GREB1L: variants seen among roughly 807,000 people sequenced by gnomAD.
The protein encoded by GREB1L is GREB1 like retinoic acid receptor coactivator, also known as GREB1-like protein.
GREB1L carries 17 observed loss-of-function variants against 200.8 expected under a neutral mutation model. That is an observed-to-expected ratio of 0.08 (90% confidence interval 0.06 to 0.13). The LOEUF is 0.13. Among genes scored for constraint, GREB1L ranks in the 10% least tolerant of loss-of-function variants. GREB1L has a pLI of 1.00. For missense variants in GREB1L, 1,657 were observed against 2,367.7 expected (o/e 0.70, Z 6.23); for synonymous variants, 789 against 893.0 (o/e 0.88, Z 2.08).
At chr18:21,259,106 C>T in intron 1 of GREB1L, among the ~76,000 whole-genome samples, 1 of 151,940 alleles carries the variant, frequency 6.6e-6, no homozygotes, top group Admixed American at 6.6e-5. Context: ...TGGTGTTTAC[C>T]CTTGGAAAGC....
At chr18:21,338,743 C>G (rs2039224424) in intron 1 of GREB1L, among the ~76,000 whole-genome samples, 1 of 152,222 alleles carries the variant, frequency 6.6e-6, no homozygotes, top group Admixed American at 6.5e-5. Context: ...CTTAAGCCAC[C>G]AGCCTACATA....
rs534304025 is a variant in GREB1L, at chr18:21,438,127, A to G, written c.833-1394A>G. On this transcript the variant is annotated intron_variant, in intron 7 of 32. Coordinates refer to ENST00000424526, the MANE Select transcript of GREB1L (RefSeq NM_001142966.3). ...CTCTACAGAAAAAAATACAAAAATT[A>G]GCCAGGTATGGTGATACATGCCTGT... Among the ~76,000 whole-genome samples, 545 of 152,224 alleles carry G rather than the reference A, an allele frequency of 3.6e-3. 2 individuals carry two copies. Among genetic ancestry groups the G allele is most frequent in the South Asian group, 7.9e-3 (38 of 4,828 alleles).
chr18:21,510,066 T>G (rs76603258), intron 27 of GREB1L, among the ~76,000 whole-genome samples: 2 of 151,484 alleles, frequency 1.3e-5, no homozygotes, highest in African/African-American at 4.9e-5. Flanking sequence ...AAAAAAAAAT[T>G]AGCTGGGTGT....
intron 2 of GREB1L, 76 bp from the exon 3 acceptor site, chr18:21,383,434 T>C (rs1317822490): frequency 1.8e-6 from 2 of 1,093,254 alleles, no homozygotes; most frequent in Admixed American, 3.3e-5. Context: ...TTAAATTAGC[T>C]CTACCTGTAC....
At chr18:21,378,089 T>C (rs2040150362) in intron 2 of GREB1L, among the ~76,000 whole-genome samples, 1 of 152,238 alleles carries the variant, frequency 6.6e-6, no homozygotes. Flanking sequence ...CTTTCCATCT[T>C]CTGCCTGAAG....
chr18:21,324,176 T>A (rs1349713679), intron 1 of GREB1L, among the ~76,000 whole-genome samples: 2 of 152,236 alleles, frequency 1.3e-5, no homozygotes, highest in Non-Finnish European at 2.9e-5. Context: ...TTTGGGCATG[T>A]ACTTATGGTT....
chr18:21,309,013 A>G (rs892637003), intron 1 of GREB1L, among the ~76,000 whole-genome samples: 1 of 152,174 alleles, frequency 6.6e-6, no homozygotes, highest in Non-Finnish European at 1.5e-5. Flanking sequence ...GGAATCTTGT[A>G]GAGTATCAAG....
intron 1 of GREB1L, among the ~76,000 whole-genome samples, chr18:21,280,714 T>C (rs758854157): frequency 1.3e-5 from 2 of 152,180 alleles, no homozygotes; most frequent in Non-Finnish European, 2.9e-5. Context: ...TTTGCTTGTT[T>C]TGTTCTCTAT....
Position 21,525,992 on chromosome 18 carries a change from A to G in GREB1L, c.*3171A>G, listed in dbSNP as rs965295589. Among the ~76,000 whole-genome samples, 2 of 152,196 alleles carry G rather than the reference A, an allele frequency of 1.3e-5. No homozygotes were observed. Among genetic ancestry groups the G allele is most frequent in the Non-Finnish European group, 2.9e-5 (2 of 68,032 alleles). ...AAAGACTACTGGTGTTCCACTATAC[A>G]TTCCAAAGCAGCTGCCTTGAAAAGA... On this transcript the variant is annotated 3_prime_UTR_variant, in exon 33 of 33. Transcript: ENST00000424526.
intron 15 of GREB1L, among the ~76,000 whole-genome samples, chr18:21,471,906 C>T (rs1030301577): frequency 2.6e-5 from 4 of 152,176 alleles, no homozygotes; most frequent in Non-Finnish European, 5.9e-5. Flanking sequence ...CAGGCATGAG[C>T]CACCACACCC....
intron 21 of GREB1L, among the ~76,000 whole-genome samples, chr18:21,497,467 A>C (rs915883405): frequency 6.6e-6 from 1 of 152,052 alleles, no homozygotes; most frequent in Non-Finnish European, 1.5e-5. Context: ...ACATGGTGAA[A>C]CCTCATCTCT....
intron 1 of GREB1L, among the ~76,000 whole-genome samples, chr18:21,350,140 A>T (rs1049450551): frequency 3.3e-5 from 5 of 152,088 alleles, no homozygotes; most frequent in African/African-American, 1.2e-4. Flanking sequence ...GACTGCCTTT[A>T]TCATCATTCC....
intron 7 of GREB1L, among the ~76,000 whole-genome samples, chr18:21,414,886 T>G (rs2031472830): frequency 6.6e-6 from 1 of 152,074 alleles, no homozygotes; most frequent in South Asian, 2.1e-4. Flanking sequence ...TAAAAAAATT[T>G]TAAATACACT....
chr18:21,485,862 C>T, intron 18 of GREB1L, 109 bp downstream of exon 18: 1 of 1,066,296 alleles, frequency 9.4e-7, no homozygotes, highest in Non-Finnish European at 1.3e-6. Context: ...GGAGCCCTTG[C>T]AGATGACGTG....
At chr18:21,426,125 C>T (rs1404432469) in intron 7 of GREB1L, among the ~76,000 whole-genome samples, 6 of 149,888 alleles carry the variant, frequency 4.0e-5, no homozygotes, top group South Asian at 2.1e-4. Flanking sequence ...GGCTCGATCT[C>T]GGCTCACTGC....
At chr18:21,394,464 G>T (rs1237935953) in intron 4 of GREB1L, among the ~76,000 whole-genome samples, 1 of 152,176 alleles carries the variant, frequency 6.6e-6, no homozygotes, top group Non-Finnish European at 1.5e-5. Flanking sequence ...GTTCAATTCT[G>T]TATCTCCTGG....
intron 4 of GREB1L, among the ~76,000 whole-genome samples, chr18:21,384,924 A>T (rs1425391160): frequency 6.6e-6 from 1 of 152,136 alleles, no homozygotes; most frequent in Non-Finnish European, 1.5e-5. Flanking sequence ...TTTATAGAGG[A>T]TTAAAATGTG....
At chr18:21,248,182 T>C (rs1050092177) in intron 1 of GREB1L, among the ~76,000 whole-genome samples, 1 of 152,138 alleles carries the variant, frequency 6.6e-6, no homozygotes, top group Non-Finnish European at 1.5e-5. Context: ...AAACCTGAGT[T>C]GTGAAGCAAG....
intron 1 of GREB1L, among the ~76,000 whole-genome samples, chr18:21,257,646 G>C (rs2037822029): frequency 6.6e-6 from 1 of 152,152 alleles, no homozygotes; most frequent in African/African-American, 2.4e-5. Flanking sequence ...ATGGAACAGT[G>C]TAACACATGG....
Sources: allele counts gnomAD v4.1 joint callset (sites outside exome capture counted in the v4.1 genomes callset), GRCh38; gene constraint gnomAD v4.1.1; transcripts MANE v1.5; gene names NCBI Gene and HGNC (gene_info 2026-07-23, HGNC 2026-07-21).